Variants in MIPEP observed in about 807,000 individuals in gnomAD.
The protein encoded by MIPEP is mitochondrial intermediate peptidase.
In MIPEP, 79 loss-of-function variants were observed where a neutral mutation model predicts 90.3. The observed-to-expected ratio is 0.87, with a 90% CI of 0.73 to 1.05. The LOEUF (loss-of-function observed/expected upper bound fraction) is 1.05. MIPEP is among the 50% of genes least tolerant of loss of function. The pLI is 0.00. For synonymous variants in MIPEP, 334 were observed against 315.8 expected, an observed-to-expected ratio of 1.06 and a Z score of -0.61; for missense variants, 940 against 905.6, an observed-to-expected ratio of 1.04 and a Z score of -0.49.
chr13:23,838,300 C>A (rs374616992), intron 12 of MIPEP, among the ~76,000 whole-genome samples: 16 of 152,152 alleles, frequency 1.1e-4, no homozygotes, highest in African/African-American at 3.6e-4. Context: ...TGCTCCACCA[C>A]ACCCAGCTAA....
At chr13:23,812,827 A>G (rs1339642132) in intron 14 of MIPEP, among the ~76,000 whole-genome samples, 1 of 152,236 alleles carries the variant, frequency 6.6e-6, no homozygotes, top group African/African-American at 2.4e-5. Context: ...CCAATTATCT[A>G]TTCAATGTCT....
chr13:23,885,309 T>G (rs868107636), intron 2 of MIPEP, among the ~76,000 whole-genome samples: 6 of 152,108 alleles, frequency 3.9e-5, no homozygotes, highest in Middle Eastern at 3.4e-3. Context: ...GGTAGCAGGG[T>G]GGCATGGGGG....
chr13:23,854,188 ATTTTTTT>A (rs568842347), intron 10 of MIPEP, among the ~76,000 whole-genome samples: 19 of 114,176 alleles, frequency 1.7e-4, no homozygotes, highest in Admixed American at 5.3e-4. Flanking sequence ...AGCCAGGCTA[ATTTTTTT>A]TTTTTTTTTT....
intron 5 of MIPEP, among the ~76,000 whole-genome samples, chr13:23,871,762 C>T (rs182498822): frequency 2.0e-5 from 3 of 151,972 alleles, no homozygotes; most frequent in Admixed American, 1.3e-4. Flanking sequence ...TTAGGAGACT[C>T]CCATTTCCTT....
intron 18 of MIPEP, among the ~76,000 whole-genome samples, chr13:23,754,117 C>T (rs897824756): frequency 3.3e-5 from 5 of 152,148 alleles, no homozygotes; most frequent in East Asian, 1.9e-4. Flanking sequence ...ATACTGCCAA[C>T]GAGATCCTGT....
At chr13:23,866,172 C>T (rs1191783477) in intron 7 of MIPEP, among the ~76,000 whole-genome samples, 1 of 152,162 alleles carries the variant, frequency 6.6e-6, no homozygotes, top group Non-Finnish European at 1.5e-5. Context: ...CCTCAGGGCG[C>T]CTTCCACAGC....
chr13:23,752,680 T>C (rs1345057396), intron 18 of MIPEP, among the ~76,000 whole-genome samples: 1 of 152,180 alleles, frequency 6.6e-6, no homozygotes, highest in Non-Finnish European at 1.5e-5. Flanking sequence ...AACCTTAACA[T>C]TGACAATGAG....
intron 3 of MIPEP, among the ~76,000 whole-genome samples, chr13:23,880,112 C>G (rs555581543): frequency 5.9e-5 from 9 of 152,286 alleles, no homozygotes; most frequent in Middle Eastern, 3.4e-3. Context: ...CCAGTCGCTA[C>G]TCAGAGACTC....
intron 14 of MIPEP, among the ~76,000 whole-genome samples, chr13:23,832,290 C>T (rs1808708958): frequency 6.6e-6 from 1 of 152,116 alleles, no homozygotes; most frequent in African/African-American, 2.4e-5. Flanking sequence ...GCAGAGTCCC[C>T]ACCAGTAGGA....
chr13:23,756,362 C>T (rs978161844), intron 18 of MIPEP, 183 bp downstream of exon 18: 28 of 562,726 alleles, frequency 5.0e-5, no homozygotes, highest in Non-Finnish European at 9.6e-6. Context: ...ACCATGTTGG[C>T]CAGGCTGGTC....
At chr13:23,835,759 A>T (rs74041409) in intron 14 of MIPEP, among the ~76,000 whole-genome samples, 3,286 of 152,308 alleles carry the variant, frequency 0.022, 131 homozygotes, top group African/African-American at 0.075. Flanking sequence ...TTAAGCCTTA[A>T]AATTAAGGAC....
intron 10 of MIPEP, among the ~76,000 whole-genome samples, chr13:23,852,072 T>G (rs554850878): frequency 6.6e-6 from 1 of 152,312 alleles, no homozygotes; most frequent in South Asian, 2.1e-4. Flanking sequence ...TGGCCTGGTC[T>G]CTTCAACAAC....
At chr13:23,886,203 A>G in intron 2 of MIPEP, 130 bp downstream of exon 2, 1 of 649,286 alleles carries the variant, frequency 1.5e-6, no homozygotes, top group Non-Finnish European at 2.3e-6. Flanking sequence ...ATTATACCCA[A>G]TGGATCTCAG....
chr13:23,832,962 A>C (rs1477632191), intron 14 of MIPEP, among the ~76,000 whole-genome samples: 2 of 152,170 alleles, frequency 1.3e-5, no homozygotes, highest in Non-Finnish European at 2.9e-5. Flanking sequence ...TAATTCTTCC[A>C]CCACAAGGAA....
rs566271565 is a variant in MIPEP at position 23,877,746 on chromosome 13, T to G, written c.539+1522A>C. 3.3e-5 allele frequency among the ~76,000 whole-genome samples: 5 copies of G among 152,362 alleles called. No individual in the cohort carries two copies. In the South Asian group the frequency reaches 1.0e-3, roughly 32 times the overall value. The stretch of plus-strand genomic sequence containing the variant: ...TTATTAAATCTTTAATTCTTTGTTT[T>G]AGCCACTGTCTTATATTTTGCCATA... On this transcript the variant is annotated intron_variant, in intron 4 of 18. Coordinates refer to ENST00000382172, the MANE Select transcript of MIPEP (RefSeq NM_005932.4).
intron 1 of MIPEP, chr13:23,888,768 T>C: frequency 6.7e-6 from 7 of 1,046,112 alleles, no homozygotes; most frequent in Non-Finnish European, 8.0e-6. Flanking sequence ...AAGGCAGGAC[T>C]GTAGCGCTGG....
At chr13:23,814,077 G>A (rs140438713) in intron 14 of MIPEP, among the ~76,000 whole-genome samples, 21 of 152,284 alleles carry the variant, frequency 1.4e-4, no homozygotes, top group Non-Finnish European at 2.8e-4. Flanking sequence ...ACCAAAGTCT[G>A]AGGCATCATA....
intron 9 of MIPEP, among the ~76,000 whole-genome samples, chr13:23,860,352 G>T (rs989431191): frequency 6.6e-6 from 1 of 152,210 alleles, no homozygotes; most frequent in Admixed American, 6.5e-5. Context: ...CCATATTTAT[G>T]TGGCCGGCAC....
intron 7 of MIPEP, among the ~76,000 whole-genome samples, chr13:23,868,112 A>G (rs1193311733): frequency 1.3e-5 from 2 of 152,148 alleles, no homozygotes; most frequent in African/African-American, 4.8e-5. Context: ...CTTCGATTAT[A>G]TGAAAAAAAA....
Sources: gnomAD v4.1 joint callset for allele counts (sites outside exome capture counted in the v4.1 genomes callset) on GRCh38, gnomAD v4.1.1 for gene constraint, MANE v1.5 for transcripts, NCBI Gene and HGNC (gene_info 2026-07-23, HGNC 2026-07-21) for gene names.